The following ABCA13 variants were observed in gnomAD, a reference collection of about 807,000 sequenced individuals.
ABCA13 encodes the protein ATP-binding cassette sub-family A member 13.
A neutral mutation model predicts 478.7 loss-of-function variants in ABCA13; 476 were observed. That is an observed-to-expected ratio of 0.99 (90% confidence interval 0.92 to 1.07). The LOEUF is 1.07. ABCA13 is among the 50% of genes least tolerant of loss of function. The pLI, the probability that ABCA13 is intolerant of heterozygous loss-of-function variation, is 0.00. For missense variants in ABCA13, 6,060 were observed against 5,910.6 expected, an observed-to-expected ratio of 1.03 and a Z score of -0.83; for synonymous variants, 2,252 against 2,158.9, an observed-to-expected ratio of 1.04 and a Z score of -1.20.
At chr7:48,253,627 A>G (rs1792920582) in intron 15 of ABCA13, among the ~76,000 whole-genome samples, 1 of 152,208 alleles carries the variant, frequency 6.6e-6, no homozygotes, top group Non-Finnish European at 1.5e-5. Context: ...CTGGGACTAC[A>G]GGTGAATGCC....
chr7:48,310,067 C>T lies in ABCA13; in HGVS notation c.9442C>T (p.Leu3148=), dbSNP rs1286428037. Residue 3148 remains leucine, a synonymous_variant, in exon 24 of 62, where the codon CTG becomes TTG. Coordinates refer to ENST00000435803, the MANE Select transcript of ABCA13 (RefSeq NM_152701.5). The part of the protein sequence containing the change: ...SWIAAEELCS[L]PGSKVYSLIV... ...GATCGCAGCGGAGGAACTCTGTAGC[C>T]TGCCAGGGTCAAAAGTGTATTCTCT... 1.5e-5 allele frequency: 25 copies of T among 1,613,762 alleles called. No individual in the cohort carries two copies. The highest frequency in any genetic ancestry group is 2.0e-5 in the Non-Finnish European group (24 of 1,179,796).
At chr7:48,313,383 A>G (rs971450550) in intron 25 of ABCA13, among the ~76,000 whole-genome samples, 152 bp downstream of exon 25, 1 of 152,246 alleles carries the variant, frequency 6.6e-6, no homozygotes, top group African/African-American at 2.4e-5. Flanking sequence ...TGGAAGCAAC[A>G]GCATAACATA....
At chr7:48,416,392 GGCCTCGACAGA>G (rs1819987791) in intron 41 of ABCA13, among the ~76,000 whole-genome samples, 1 of 152,064 alleles carries the variant, frequency 6.6e-6, no homozygotes, top group Non-Finnish European at 1.5e-5. Flanking sequence ...GAGAGAGCTG[GGCCTCGACAGA>G]GCCTGCAGGG....
intron 38 of ABCA13, among the ~76,000 whole-genome samples, chr7:48,401,643 T>A (rs1817620338): frequency 6.6e-6 from 1 of 152,036 alleles, no homozygotes; most frequent in Non-Finnish European, 1.5e-5. Flanking sequence ...ATTTGTGCAA[T>A]CTTGCAAGAA....
At chr7:48,585,067 G>T (rs1040613506) in intron 56 of ABCA13, among the ~76,000 whole-genome samples, 1 of 152,094 alleles carries the variant, frequency 6.6e-6, no homozygotes, top group African/African-American at 2.4e-5. Context: ...ATTCTTCTGT[G>T]AGAAAAATTT....
Position 48,358,222 on chromosome 7 carries a change from AAGGGGAGGGGAGGGG to A in ABCA13, c.10688+5767_10688+5781del, listed in dbSNP as rs571633476. 1.7e-3 allele frequency among the ~76,000 whole-genome samples: 57 copies of A among 34,286 alleles called. 1 individual carries two copies. Among genetic ancestry groups the A allele is most frequent in the East Asian group, 2.7e-3 (3 of 1,102 alleles). 22.5% of individuals were successfully genotyped at this position (34,286 alleles called of 152,430 possible). On this transcript the variant is annotated intron_variant, in intron 31 of 61. Coordinates refer to ENST00000435803, the MANE Select transcript of ABCA13 (RefSeq NM_152701.5). ...AGGAAAGGAAAGGAAAAAGGAAAGGAAGGGGAGGGGAGGGGAGGGGAGGGGAGGGGAGGGGAGGGG... is the reference window on the plus strand; with the variant it reads ...AGGAAAGGAAAGGAAAAAGGAAAGGAAGGGGAGGGGAGGGGAGGGGAGGGG...
intron 7 of ABCA13, 128 bp downstream of exon 7, chr7:48,230,083 A>G (rs1788824079): frequency 8.7e-7 from 1 of 1,149,068 alleles, no homozygotes; most frequent in East Asian, 2.7e-5. Context: ...AAAAAGTATG[A>G]ATTGTTTCTG....
At chr7:48,213,312 G>A (rs1785954770) in intron 3 of ABCA13, among the ~76,000 whole-genome samples, 2 of 152,182 alleles carry the variant, frequency 1.3e-5, no homozygotes, top group Non-Finnish European at 2.9e-5. Context: ...TTGCAATAAA[G>A]TGAGTCACAT....
chr7:48,596,565 C>T (rs1375744457), intron 58 of ABCA13, among the ~76,000 whole-genome samples: 3 of 152,132 alleles, frequency 2.0e-5, no homozygotes, highest in Non-Finnish European at 2.9e-5. Context: ...AATCCCAGCA[C>T]GTTGGGAGGC....
intron 11 of ABCA13, 99 bp from the exon 12 acceptor site, chr7:48,245,413 A>C (rs2128676225): frequency 3.3e-6 from 3 of 905,170 alleles, no homozygotes; most frequent in Non-Finnish European, 5.0e-6. Context: ...TTTTTAAAAA[A>C]TCCATGTTTT....
chr7:48,261,076 A>G (rs1189155509), intron 15 of ABCA13, among the ~76,000 whole-genome samples: 1 of 151,898 alleles, frequency 6.6e-6, no homozygotes, highest in Non-Finnish European at 1.5e-5. Flanking sequence ...TGCCTCATGT[A>G]CCATGGTATA....
intron 42 of ABCA13, among the ~76,000 whole-genome samples, chr7:48,435,756 T>C (rs1437232422): frequency 6.6e-6 from 1 of 151,794 alleles, no homozygotes; most frequent in Non-Finnish European, 1.5e-5. Context: ...GTTCTTTATG[T>C]GTCAATTGAA....
intron 35 of ABCA13, among the ~76,000 whole-genome samples, chr7:48,384,630 A>G (rs1814891990): frequency 6.6e-6 from 1 of 152,156 alleles, no homozygotes. Context: ...TCCAGCTGCT[A>G]CTCATCCTCT....
intron 3 of ABCA13, among the ~76,000 whole-genome samples, chr7:48,217,416 A>G (rs1019580803): frequency 6.6e-6 from 1 of 152,206 alleles, no homozygotes. Flanking sequence ...TGTAGTCCTT[A>G]TGCTGAAAAT....
In ABCA13 at chr7:48,335,465, C is replaced by T. The variant is rs1380806659; in HGVS notation, c.10043C>T (p.Ser3348Leu). 2.0e-5 allele frequency: 32 copies of T among 1,613,078 alleles called. No individual in the cohort carries two copies. Among genetic ancestry groups the T allele is most frequent in the Non-Finnish European group, 2.5e-5 (30 of 1,179,490 alleles). The change falls in exon 28 of 62, where the codon TCA (serine) becomes TTA (leucine). Residue 3348 changes from serine (S) to leucine (L), a missense_variant. By Grantham distance (145) the Ser-to-Leu change is moderately radical. Around this residue, in one of 3 missense-constraint regions of ABCA13, gnomAD observed 4,423 missense variants for 4,309.1 expected, o/e 1.03. Transcript: ENST00000435803. Reference sequence around the variant, plus strand: ...ATTGTGGACAAACTAAAAACTTTATCAGAAACACTGCTGGAAATGTCCAGC... The same window carrying T: ...ATTGTGGACAAACTAAAAACTTTATTAGAAACACTGCTGGAAATGTCCAGC... ...FYIVDKLKTL[S>L]ETLLEMSSLF...
At chr7:48,411,009 TTCTTTCTTTCTTTC>T (rs1818994794) in intron 40 of ABCA13, among the ~76,000 whole-genome samples, 1 of 113,392 alleles carries the variant, frequency 8.8e-6, no homozygotes, top group East Asian at 2.7e-4. Context: ...CTTTCTTTCT[TTCTTTCTTTCTTTC>T]TTTCTTTCTT....
At chr7:48,415,567 G>A (rs55661481) in intron 41 of ABCA13, among the ~76,000 whole-genome samples, 25,715 of 152,154 alleles carry the variant, frequency 0.17, 2,476 homozygotes, top group East Asian at 0.25. Context: ...TTACTGATTT[G>A]CAATTAAACA....
At chr7:48,481,254 CT>C (rs1201756615) in intron 46 of ABCA13, 100 bp downstream of exon 46, 1 of 956,508 alleles carries the variant, frequency 1.0e-6, no homozygotes, top group Non-Finnish European at 1.6e-6. Flanking sequence ...AAATCTAAGA[CT>C]GACCTTGGTG....
In ABCA13 at chr7:48,512,858, A is replaced by T. The variant is rs546949871; in HGVS notation, c.13640+1659A>T. ...TAGGGGTTACACGCTTCTGGTTAAG[A>T]ACTCTTAGGTTGCAGAGACTGGAAA... On this transcript the variant is annotated intron_variant, in intron 51 of 61. Coordinates refer to ENST00000435803, the MANE Select transcript of ABCA13 (RefSeq NM_152701.5). Among the ~76,000 whole-genome samples, 5 of 152,308 alleles carry T rather than the reference A, an allele frequency of 3.3e-5. No individual in the cohort carries two copies. The East Asian group carries it at 9.7e-4, about 29-fold the overall frequency.
Sources: allele counts gnomAD v4.1 joint callset (sites outside exome capture counted in the v4.1 genomes callset), GRCh38; gene constraint gnomAD v4.1.1; regional missense constraint gnomAD v4.1.1; transcripts MANE v1.5; gene names NCBI Gene and HGNC (gene_info 2026-07-23, HGNC 2026-07-21).